Variants in EFEMP2 observed in about 807,000 individuals in gnomAD.
EFEMP2 encodes EGF-like fibulin extracellular matrix protein 2.
EFEMP2 carries 21 observed loss-of-function variants against 55.3 expected under a neutral mutation model. The observed-to-expected ratio is 0.38, with a 90% CI of 0.27 to 0.55. EFEMP2 has a LOEUF of 0.55. Among genes scored for constraint, EFEMP2 ranks in the 20% least tolerant of loss-of-function variants. The pLI, the probability that EFEMP2 is intolerant of heterozygous loss-of-function variation, is 0.77. For synonymous variants in EFEMP2, 275 were observed against 242.3 expected, an observed-to-expected ratio of 1.14 and a Z score of -1.25; for missense variants, 513 against 615.1, an observed-to-expected ratio of 0.83 and a Z score of 1.76.
chr11:65,868,452 G>A (rs1218916134), intron 8 of EFEMP2, 31 bp from the exon 9 acceptor site: 5 of 1,613,802 alleles, frequency 3.1e-6, no homozygotes, highest in Non-Finnish European at 3.4e-6. Flanking sequence ...TGGAATCGGG[G>A]GCGTCAGGCT....
intron 7 of EFEMP2, chr11:65,868,896 AC>A: frequency 2.0e-6 from 1 of 488,154 alleles, no homozygotes; most frequent in Non-Finnish European, 3.8e-6. Flanking sequence ...TGTGAATCCC[AC>A]CAGCTGATCT....
chr11:65,868,649 G>A lies in EFEMP2; in HGVS notation c.728-20C>T. The A allele has an allele frequency of 6.2e-7, 1 of 1,613,492 alleles. No homozygotes were observed. Among genetic ancestry groups the A allele is most frequent in the Non-Finnish European group, 8.5e-7 (1 of 1,179,998 alleles). On this transcript the variant is annotated intron_variant, in intron 7 of 10. Coordinates refer to ENST00000307998, the MANE Select transcript of EFEMP2 (RefSeq NM_016938.5). ...CAATATCTGAGGAAGCATGGGGATG[G>A]GGACCCCGGGTCAAGGGCATTCCTC...
rs1251420874 is a variant in EFEMP2 at position 65,866,810 on chromosome 11, C to T, written c.*108G>A. The T allele has an allele frequency of 2.1e-6, 3 of 1,438,928 alleles. No individual in the cohort carries two copies. The highest frequency in any genetic ancestry group is 2.9e-6 in the Non-Finnish European group (3 of 1,041,476). The allele number at this position is 1,438,928 out of a possible 1,614,324, so 89.1% of individuals were successfully genotyped here. ...GCTTCCTGCAGTGTGACCCGCCCAC[C>T]TCAGCCACCAGGACTTTCTTTCTCC... On this transcript the variant is annotated 3_prime_UTR_variant, in exon 11 of 11. Coordinates refer to ENST00000307998, the MANE Select transcript of EFEMP2 (RefSeq NM_016938.5).
intron 4 of EFEMP2, chr11:65,870,943 T>A: frequency 1.4e-6 from 1 of 721,012 alleles, no homozygotes; most frequent in Admixed American, 2.2e-5. Context: ...TCCTGCAGTG[T>A]CTCTGCAGCA....
At chr11:65,867,189 G>C (rs550766297) in intron 10 of EFEMP2, 110 bp from the exon 11 acceptor site, 2 of 1,385,358 alleles carry the variant, frequency 1.4e-6, no homozygotes, top group Non-Finnish European at 2.0e-6. Context: ...GAACAGCCCT[G>C]GCCAGGCTGC....
chr11:65,872,448 T>G, intron 1 of EFEMP2, 87 bp from the exon 2 acceptor site: 1 of 937,714 alleles, frequency 1.1e-6, no homozygotes. Context: ...CCCCCGCCAC[T>G]GCCCGCTCAG....
At position 65,866,566 on chromosome 11, in the gene EFEMP2, A is replaced by G. The variant is rs946661666; in HGVS notation, c.*352T>C. The G allele has an allele frequency of 4.3e-6, 3 of 702,552 alleles. No homozygotes were observed. The Admixed American group carries it at 6.0e-5, about 14-fold the overall frequency. 43.5% of individuals were successfully genotyped at this position (702,552 alleles called of 1,614,324 possible). A position where few individuals can be genotyped will look rare whatever the true frequency, so the allele number is the denominator to read the frequency against. On this transcript the variant is annotated 3_prime_UTR_variant, in exon 11 of 11. Transcript: ENST00000307998. ...GGCCTCCTGGCGCTGTCCAGAGTGG[A>G]GTTTCTTAGGACCCCTGCAAGCCAG...
rs1344778966 is a variant in EFEMP2 at position 65,872,336 on chromosome 11, A to C, written c.19T>G (p.Cys7Gly). The change falls in exon 2 of 11, where the codon TGC becomes GGC. Residue 7 changes from cysteine (C) to glycine (G), a missense_variant. Physicochemically the swap from Cys to Gly is radical, Grantham distance 159. Coordinates refer to ENST00000307998, the MANE Select transcript of EFEMP2 (RefSeq NM_016938.5). ...CAGAGCAGTAGAGACCCGGGTAGGC[A>C]GGAGGCGCAGGGGAGCATCCTGGGG... MLPCASCLPGSLLLWAL... is the reference protein window; with the variant it reads MLPCASGLPGSLLLWAL... The C allele has an allele frequency of 1.9e-6, 3 of 1,551,530 alleles. No individual in the cohort carries two copies. Among genetic ancestry groups the C allele is most frequent in the Non-Finnish European group, 2.6e-6 (3 of 1,146,972 alleles).
At chr11:65,870,297 G>T in intron 5 of EFEMP2, 60 bp from the exon 6 acceptor site, 1 of 1,547,730 alleles carries the variant, frequency 6.5e-7, no homozygotes, top group East Asian at 2.2e-5. Context: ...AGGTGGGCTC[G>T]AGCCGGCTGG....
At chr11:65,867,191 C>T in intron 10 of EFEMP2, 112 bp from the exon 11 acceptor site, 1 of 1,332,426 alleles carries the variant, frequency 7.5e-7, no homozygotes, top group Non-Finnish European at 1.1e-6. Flanking sequence ...ACAGCCCTGG[C>T]CAGGCTGCCA....
chr11:65,872,596 C>G, intron 1 of EFEMP2, 87 bp downstream of exon 1: 1 of 329,284 alleles, frequency 3.0e-6, no homozygotes. Flanking sequence ...GGCCGAGGAG[C>G]GCGGGCCTCT....
Position 65,866,698 on chromosome 11 carries a change from T to C in EFEMP2, c.*220A>G, listed in dbSNP as rs1666850421. 5.6e-6 allele frequency: 4 copies of C among 713,880 alleles called. No homozygotes were observed. 44.2% of individuals were successfully genotyped at this position (713,880 alleles called of 1,614,324 possible). A position where few individuals can be genotyped will look rare whatever the true frequency, so the allele number is the denominator to read the frequency against. ...GTGCAGAGCTCCCAGCTCCTGTCAA[T>C]GGGGGCCCCTGGGCCTGAACATATA... On this transcript the variant is annotated 3_prime_UTR_variant, in exon 11 of 11. Coordinates refer to ENST00000307998, the MANE Select transcript of EFEMP2 (RefSeq NM_016938.5).
rs772435021 is a variant in EFEMP2 at position 65,866,653 on chromosome 11, C to T, written c.*265G>A. On this transcript the variant is annotated 3_prime_UTR_variant, in exon 11 of 11. Transcript: ENST00000307998. ...CCCTCCTCGTTACCTCCTCTCCTCT[C>T]GGGGTGACTGAAGCTCGTGGTGCAG... is the stretch of plus-strand genomic sequence containing the variant. 11 of 703,774 alleles carry T rather than the reference C, an allele frequency of 1.6e-5. No homozygotes were observed. The highest frequency in any genetic ancestry group is 1.3e-4 in the South Asian group (9 of 67,612). The allele number at this position is 703,774 out of a possible 1,614,324, so 43.6% of individuals were successfully genotyped here. A position where few individuals can be genotyped will look rare whatever the true frequency, so the allele number is the denominator to read the frequency against.
rs145999844 is a variant in EFEMP2, at chr11:65,870,937, G to A, written c.367+220C>T. ...ACAGACACTGGAAGGCAGACTTCCT[G>A]CAGTGTCTCTGCAGCAACCGAGGGG... On this transcript the variant is annotated intron_variant, in intron 4 of 10. Coordinates refer to ENST00000307998, the MANE Select transcript of EFEMP2 (RefSeq NM_016938.5). 2.3e-4 allele frequency: 167 copies of A among 715,162 alleles called. No individual in the cohort carries two copies. The African/African-American group carries it at 2.7e-3, about 12-fold the overall frequency. The allele number at this position is 715,162 out of a possible 1,614,324, so 44.3% of individuals were successfully genotyped here.
intron 10 of EFEMP2, 33 bp from the exon 11 acceptor site, chr11:65,867,112 T>C: frequency 6.2e-7 from 1 of 1,612,498 alleles, no homozygotes; most frequent in Non-Finnish European, 8.5e-7. Context: ...ACATATATAT[T>C]GTGTCAGCCT....
intron 10 of EFEMP2, 132 bp downstream of exon 10, chr11:65,867,729 A>G (rs1859880824): frequency 1.0e-6 from 1 of 986,928 alleles, no homozygotes; most frequent in Admixed American, 1.9e-5. Context: ...GTCTTCCTGC[A>G]GAAACCCCGC....
chr11:65,869,973 A>C lies in EFEMP2; in HGVS notation c.611T>G (p.Val204Gly). Residue 204 changes from valine (V) to glycine (G), a missense_variant, in exon 7 of 11, where the codon GTG (valine) becomes GGG (glycine). By Grantham distance (109) the Val-to-Gly change is moderately radical. Coordinates refer to ENST00000307998, the MANE Select transcript of EFEMP2 (RefSeq NM_016938.5). ...TGGGGCCCCCATGTCACACTCGTTC[A>C]CATCTGGGGGTGCCAGGAAAAACAG... ...LGPNNRSCVDVNECDMGAPCE... is the reference protein window; with the variant it reads ...LGPNNRSCVDGNECDMGAPCE... The C allele has an allele frequency of 6.2e-7, 1 of 1,613,880 alleles. No homozygotes were observed. Among genetic ancestry groups the C allele is most frequent in the Non-Finnish European group, 8.5e-7 (1 of 1,179,956 alleles).
In EFEMP2 at chr11:65,867,976, G is replaced by A. The variant is rs142826827; in HGVS notation, c.1055C>T (p.Ser352Leu). The A allele has an allele frequency of 1.2e-6, 2 of 1,614,098 alleles. No homozygotes were observed. Among genetic ancestry groups the A allele is most frequent in the African/African-American group, 1.3e-5 (1 of 75,066 alleles). Residue 352 changes from serine to leucine, a missense_variant, in exon 10 of 11, where the codon TCG becomes TTG. Physicochemically the swap from Ser to Leu is moderately radical, Grantham distance 145. Transcript: ENST00000307998. ...SIVHRYMTIT[S>L]ERSVPADVFQ... ...CACGTCAGCGGGCACGCTCCGCTCC[G>A]AGGTGATGGTCATGTAGCGGTGCAC...
chr11:65,867,813 G>A (rs759105585), intron 10 of EFEMP2, 48 bp downstream of exon 10: 2 of 1,604,136 alleles, frequency 1.2e-6, no homozygotes, highest in South Asian at 1.1e-5. Context: ...GCGTCCTGGA[G>A]TTCAGTTTTA....
Sources: gnomAD v4.1 joint callset for allele counts on GRCh38, gnomAD v4.1.1 for gene constraint, MANE v1.5 for transcripts, NCBI Gene and HGNC (gene_info 2026-07-23, HGNC 2026-07-21) for gene names.